BCAS3: variants seen among roughly 807,000 people sequenced by gnomAD.
BCAS3 encodes BCAS4/BCAS3 fusion.
BCAS3 carries 53 observed loss-of-function variants against 116.1 expected under a neutral mutation model. That is an observed-to-expected ratio of 0.46 (90% CI 0.37 to 0.57). The LOEUF (loss-of-function observed/expected upper bound fraction) is 0.57. Among genes scored for constraint, BCAS3 ranks in the 20% least tolerant of loss-of-function variants. BCAS3 has a pLI of 0.00. For synonymous variants in BCAS3, 391 were observed against 408.2 expected, an observed-to-expected ratio of 0.96 and a Z score of 0.51; for missense variants, 917 against 1,165.4, an observed-to-expected ratio of 0.79 and a Z score of 3.10.
intron 13 of BCAS3, among the ~76,000 whole-genome samples, chr17:60,942,328 G>GT (rs1490217924): frequency 6.6e-6 from 1 of 152,170 alleles, no homozygotes; most frequent in Non-Finnish European, 1.5e-5. Context: ...TCGGGAGGCT[G>GT]TGGCAGGAGA....
At chr17:61,072,528 T>C (rs1168153546) in intron 19 of BCAS3, among the ~76,000 whole-genome samples, 1 of 152,112 alleles carries the variant, frequency 6.6e-6, no homozygotes, top group Non-Finnish European at 1.5e-5. Context: ...CTGTGACACG[T>C]ACTAGTCTAG....
chr17:60,992,772 T>C (rs1395339867), intron 15 of BCAS3, among the ~76,000 whole-genome samples: 2 of 152,248 alleles, frequency 1.3e-5, no homozygotes, highest in African/African-American at 4.8e-5. Flanking sequence ...TTTTCAGCTA[T>C]TTGCTAGACA....
At position 61,376,337 on chromosome 17, in the gene BCAS3, G is replaced by A. The variant is rs2059339050; in HGVS notation, c.2593+7843G>A. On this transcript the variant is annotated intron_variant, in intron 23 of 23. Coordinates refer to ENST00000407086, the MANE Select transcript of BCAS3 (RefSeq NM_017679.5). The surrounding 1 kb of genome is among the most constrained non-coding windows in gnomAD (Gnocchi z 4.5). ...AAGATGCTGCCTTCACAGGGCCATC[G>A]TGGCTCATAGCCCCATAGGTCACAT... Among the ~76,000 whole-genome samples, 1 of 152,118 alleles carries A rather than the reference G, an allele frequency of 6.6e-6. No individual in the cohort carries two copies.
At chr17:61,016,704 T>G (rs901980291) in intron 16 of BCAS3, among the ~76,000 whole-genome samples, 1 of 152,222 alleles carries the variant, frequency 6.6e-6, no homozygotes, top group African/African-American at 2.4e-5. Flanking sequence ...GAAACAACTT[T>G]TTTACATTTC....
At chr17:61,177,077 A>C (rs559578733) in intron 22 of BCAS3, among the ~76,000 whole-genome samples, 32 of 152,358 alleles carry the variant, frequency 2.1e-4, no homozygotes, top group African/African-American at 7.2e-4. Flanking sequence ...ACATAGAGCA[A>C]CTGGAGCTCT....
At chr17:60,909,959 T>G (rs760531198) in intron 11 of BCAS3, among the ~76,000 whole-genome samples, 8 of 152,196 alleles carry the variant, frequency 5.3e-5, no homozygotes, top group Non-Finnish European at 8.8e-5. Context: ...ATTCATCCAG[T>G]GATTAATATC....
At position 60,826,860 on chromosome 17, in the gene BCAS3, G is replaced by C. The variant is rs574719651; in HGVS notation, c.476+18784G>C. ...AAAGAAGCCCACAAAACAAATACTG[G>C]CATAATGATAACGTGGATGATATTA... On this transcript the variant is annotated intron_variant, in intron 7 of 23. Transcript: ENST00000407086. Among the ~76,000 whole-genome samples, 9 of 152,274 alleles carry C rather than the reference G, an allele frequency of 5.9e-5. No homozygotes were observed. The South Asian group carries it at 1.0e-3, about 18-fold the overall frequency.
intron 3 of BCAS3, among the ~76,000 whole-genome samples, chr17:60,689,274 A>C (rs1380325951): frequency 6.6e-6 from 1 of 152,098 alleles, no homozygotes; most frequent in Non-Finnish European, 1.5e-5. Flanking sequence ...TCCAGGTTTA[A>C]GTGATTCTCG....
intron 22 of BCAS3, among the ~76,000 whole-genome samples, chr17:61,191,416 A>G (rs2080104277): frequency 1.3e-5 from 2 of 152,268 alleles, no homozygotes; most frequent in Admixed American, 6.5e-5. Context: ...TAACTTTACA[A>G]AACAAGAAAT....
chr17:60,946,148 T>A (rs972862119), intron 13 of BCAS3, among the ~76,000 whole-genome samples: 4 of 152,128 alleles, frequency 2.6e-5, no homozygotes, highest in Non-Finnish European at 5.9e-5. Context: ...AAATAGCCAA[T>A]TGATCCTTGG....
At chr17:60,753,914 T>G (rs998411645) in intron 6 of BCAS3, among the ~76,000 whole-genome samples, 1 of 152,242 alleles carries the variant, frequency 6.6e-6, no homozygotes, top group African/African-American at 2.4e-5. Flanking sequence ...AATAATAATA[T>G]GTACCATATG....
chr17:60,841,323 GGTATATAAT>G (rs1174441926), intron 7 of BCAS3, among the ~76,000 whole-genome samples: 3 of 151,656 alleles, frequency 2.0e-5, no homozygotes, highest in East Asian at 3.9e-4. Context: ...GTTATCTACT[GGTATATAAT>G]GTATTAGAAC....
chr17:60,825,857 G>GTTTTTTTTTTTTTTTTTTTTTTTTTTT (rs770293138), intron 7 of BCAS3, among the ~76,000 whole-genome samples: 1 of 130,084 alleles, frequency 7.7e-6, no homozygotes, highest in South Asian at 2.4e-4. Context: ...TGGGGATTCA[G>GTTTTTTTTTTTTTTTTTTTTTTTTTTT]TTTTTTTTTT....
chr17:60,740,427 G>T (rs200504869), intron 5 of BCAS3, among the ~76,000 whole-genome samples: 18 of 150,868 alleles, frequency 1.2e-4, no homozygotes, highest in African/African-American at 4.4e-4. Flanking sequence ...GAGCCCAGGG[G>T]GGCCGAGGCA....
chr17:61,078,248 G>A, intron 20 of BCAS3, 85 bp from the exon 21 acceptor site: 1 of 1,040,396 alleles, frequency 9.6e-7, no homozygotes, highest in Non-Finnish European at 1.4e-6. Flanking sequence ...AAGAATGTGG[G>A]TGTTAAGAGG....
chr17:60,866,565 A>T (rs1250181914), intron 7 of BCAS3, among the ~76,000 whole-genome samples: 2 of 152,218 alleles, frequency 1.3e-5, no homozygotes, highest in Non-Finnish European at 1.5e-5. Flanking sequence ...AATATGTTGG[A>T]AAGTGACTCT....
At chr17:61,027,556 C>A in intron 16 of BCAS3, 1 of 261,434 alleles carries the variant, frequency 3.8e-6, no homozygotes, top group Non-Finnish European at 7.6e-6. Flanking sequence ...ACAGGAAGGT[C>A]ATAGAAAAGA....
At chr17:60,756,426 A>C (rs1264509927) in intron 6 of BCAS3, among the ~76,000 whole-genome samples, 1 of 152,018 alleles carries the variant, frequency 6.6e-6, no homozygotes, top group Admixed American at 6.6e-5. Flanking sequence ...CCCCCCTTCC[A>C]TCCACACATT....
At chr17:61,045,582 G>A (rs555369782) in intron 19 of BCAS3, among the ~76,000 whole-genome samples, 1 of 149,818 alleles carries the variant, frequency 6.7e-6, no homozygotes, top group Admixed American at 6.7e-5. Flanking sequence ...TTGGAAGGCC[G>A]AGGCGGGGGG....
Sources: gnomAD v4.1 joint callset for allele counts (sites outside exome capture counted in the v4.1 genomes callset) on GRCh38, gnomAD v4.1.1 for gene constraint, Gnocchi (gnomAD v3.1) non-coding constraint, MANE v1.5 for transcripts, NCBI Gene and HGNC (gene_info 2026-07-23, HGNC 2026-07-21) for gene names.